ZNF721: variants seen among roughly 807,000 people sequenced by gnomAD.
ZNF721 encodes zinc finger protein 721.
In ZNF721, 2 loss-of-function variants were observed where a neutral mutation model predicts 2.4. The ratio of observed to expected loss-of-function variants is 0.82; its 90% CI spans 0.34 to 2.58. The LOEUF (loss-of-function observed/expected upper bound fraction) is 2.58, where lower values mean the gene tolerates loss of function less well. ZNF721 is among the 30% of genes most tolerant of loss of function. The pLI is 0.11. For synonymous variants in ZNF721, 398 were observed against 381.8 expected, an observed-to-expected ratio of 1.04 and a Z score of -0.50; for missense variants, 1,187 against 1,085.5, an observed-to-expected ratio of 1.09 and a Z score of -1.31.
At chr4:474,739 G>A (rs1435369369) in intron 1 of ZNF721, among the ~76,000 whole-genome samples, 1 of 151,918 alleles carries the variant, frequency 6.6e-6, no homozygotes, top group Non-Finnish European at 1.5e-5. Flanking sequence ...AGCCAGGCAT[G>A]GTGGTGGGCG....
Position 443,752 on chromosome 4 carries a change from G to C in ZNF721, c.715C>G (p.His239Asp). 2 of 1,613,996 alleles carry C rather than the reference G, an allele frequency of 1.2e-6. No individual in the cohort carries two copies. The highest frequency in any genetic ancestry group is 2.2e-5 in the South Asian group (2 of 91,066). Reference sequence around the variant, plus strand: ...TTCTCTCCAGTATGAATTTTCTCATGTTTATTCAGGTGTGAGGAATGCATA... The same window carrying C: ...TTCTCTCCAGTATGAATTTTCTCATCTTTATTCAGGTGTGAGGAATGCATA... The part of the protein sequence containing the change: ...AFMHSSHLNK[H>D]EKIHTGEKPY... Residue 239 changes from histidine to aspartate, a missense_variant, in exon 3 of 3, where the codon CAT (histidine) becomes GAT (aspartate). Physicochemically the swap from His to Asp is moderately conservative, Grantham distance 81. Coordinates refer to ENST00000511833, the MANE Select transcript of ZNF721 (RefSeq NM_133474.4).
chr4:469,107 T>C (rs1174484647), intron 2 of ZNF721, among the ~76,000 whole-genome samples: 2 of 152,188 alleles, frequency 1.3e-5, no homozygotes, highest in African/African-American at 2.4e-5. Context: ...GGTTGTTTTT[T>C]TGTGTGTTTT....
rs782742067 is a variant in ZNF721 at position 443,419 on chromosome 4, C to T, written c.1048G>A (p.Val350Ile). Residue 350 changes from valine (V) to isoleucine (I), a missense_variant, in exon 3 of 3, where the codon GTA becomes ATA. Coordinates refer to ENST00000511833, the MANE Select transcript of ZNF721 (RefSeq NM_133474.4). Reference protein sequence around the residue: ...KTFRQSANLYVHRRIHTGEKP... With the variant: ...KTFRQSANLYIHRRIHTGEKP... ...TCTCCAGTATGAATTCTCCTATGTA[C>T]GTAAAGGTTTGCGGACTGTCTAAAG... 125 of 1,612,382 alleles carry T rather than the reference C, an allele frequency of 7.8e-5. No individual in the cohort carries two copies. The East Asian group carries it at 9.4e-4, about 12-fold the overall frequency.
At chr4:450,937 CAAAAA>C (rs781962651) in intron 2 of ZNF721, among the ~76,000 whole-genome samples, 42 of 26,494 alleles carry the variant, frequency 1.6e-3, no homozygotes, top group African/African-American at 4.7e-3. Flanking sequence ...ACTCTGTCTC[CAAAAA>C]AAAAAAAAAA....
chr4:458,818 C>G (rs889514543), intron 2 of ZNF721, among the ~76,000 whole-genome samples: 4 of 151,968 alleles, frequency 2.6e-5, no homozygotes, highest in South Asian at 2.1e-4. Context: ...TGCACTCCAG[C>G]CTGGGTGACA....
intron 2 of ZNF721, among the ~76,000 whole-genome samples, chr4:455,914 C>T (rs1379060545): frequency 6.6e-6 from 1 of 152,018 alleles, no homozygotes; most frequent in Non-Finnish European, 1.5e-5. Flanking sequence ...AAAAAGGTTC[C>T]ATTTTTCAAA....
intron 2 of ZNF721, among the ~76,000 whole-genome samples, chr4:446,898 C>T (rs1714493922): frequency 6.6e-6 from 1 of 151,692 alleles, no homozygotes; most frequent in Non-Finnish European, 1.5e-5. Context: ...AACATGTTGA[C>T]CAGGATGGTC....
chr4:478,276 TTC>T (rs1297647118), intron 1 of ZNF721, among the ~76,000 whole-genome samples: 7 of 152,286 alleles, frequency 4.6e-5, no homozygotes, highest in Non-Finnish European at 7.4e-5. Context: ...CCATTCTACT[TTC>T]TGTTTTTATG....
chr4:470,789 A>C (rs1715408035), intron 2 of ZNF721, among the ~76,000 whole-genome samples: 1 of 152,164 alleles, frequency 6.6e-6, no homozygotes, highest in South Asian at 2.1e-4. Context: ...TTGGGAGGCC[A>C]AGAGATCGAG....
chr4:476,826 A>G (rs1553868730), intron 1 of ZNF721, among the ~76,000 whole-genome samples: 3 of 152,186 alleles, frequency 2.0e-5, no homozygotes, highest in African/African-American at 7.2e-5. Flanking sequence ...GCAGCTCACA[A>G]AGGAATTTGC....
intron 2 of ZNF721, among the ~76,000 whole-genome samples, chr4:447,526 CA>C (rs1195000606): frequency 6.6e-6 from 1 of 151,614 alleles, no homozygotes; most frequent in African/African-American, 2.4e-5. Context: ...GCAAAAAAAT[CA>C]ATAAAACGTG....
At chr4:456,089 G>T (rs112148965) in intron 2 of ZNF721, among the ~76,000 whole-genome samples, 8,337 of 98,432 alleles carry the variant, frequency 0.085, 336 homozygotes, top group African/African-American at 0.22. Context: ...TTTATTTATT[G>T]AGATGGAGTC....
rs192496244 is a variant in ZNF721 at position 454,415 on chromosome 4, T to C, written c.35-9983A>G. 1.9e-3 allele frequency among the ~76,000 whole-genome samples: 286 copies of C among 152,352 alleles called. 1 individual carries two copies. The highest frequency in any genetic ancestry group is 6.4e-3 in the African/African-American group (268 of 41,578). On this transcript the variant is annotated intron_variant, in intron 2 of 2. Transcript: ENST00000511833. Reference sequence around the variant, plus strand: ...GGACTTATGTTGTTGTCAGAGGAATTTGCTCAGCTGTGTACTGTTGTGTTG... The same window carrying C: ...GGACTTATGTTGTTGTCAGAGGAATCTGCTCAGCTGTGTACTGTTGTGTTG...
Position 460,353 on chromosome 4 carries a change from A to G in ZNF721, c.34+12222T>C, listed in dbSNP as rs182767727. ...GAATGACTACTGGGTAAATAACGAA[A>G]TTAAGGTAGAAATAAATAAGTTCTT... On this transcript the variant is annotated intron_variant, in intron 2 of 2. Transcript: ENST00000511833. 7.0e-3 allele frequency among the ~76,000 whole-genome samples: 1,067 copies of G among 152,320 alleles called. 15 individuals carry two copies. The highest frequency in any genetic ancestry group is 0.024 in the African/African-American group (1,007 of 41,570).
intron 2 of ZNF721, among the ~76,000 whole-genome samples, chr4:465,007 C>T (rs1175782602): frequency 6.6e-6 from 1 of 151,470 alleles, no homozygotes; most frequent in Non-Finnish European, 1.5e-5. Flanking sequence ...ATTGCTTGAA[C>T]CCAGGAGACG....
intron 2 of ZNF721, among the ~76,000 whole-genome samples, chr4:447,352 A>G (rs1300415289): frequency 6.6e-6 from 1 of 151,960 alleles, no homozygotes; most frequent in Non-Finnish European, 1.5e-5. Flanking sequence ...ATAAAACAAA[A>G]AATATATTAT....
intron 1 of ZNF721, among the ~76,000 whole-genome samples, chr4:494,206 G>A (rs1249875551): frequency 1.3e-5 from 2 of 149,704 alleles, no homozygotes; most frequent in Non-Finnish European, 3.0e-5. Context: ...TTTTGAGACG[G>A]AATCTCGCTC....
chr4:443,822 A>G lies in ZNF721; in HGVS notation c.645T>C (p.His215=), dbSNP rs372601849. The change falls in exon 3 of 3, where the codon CAT becomes CAC. Residue 215 remains histidine (H), a synonymous_variant. Transcript: ENST00000511833. ...TACATTTGTAGGGTTTATCTCCAGT[A>G]TGAATTTTCTTATATTCATTCAGGT... ...STNLNEYKKI[H]TGDKPYKCKE... is the part of the protein sequence containing the mutation. 4.3e-6 allele frequency: 7 copies of G among 1,613,982 alleles called. No homozygotes were observed. Among genetic ancestry groups the G allele is most frequent in the Non-Finnish European group, 5.1e-6 (6 of 1,179,930 alleles).
chr4:479,710 T>C (rs1553869077), intron 1 of ZNF721, among the ~76,000 whole-genome samples: 1 of 152,218 alleles, frequency 6.6e-6, no homozygotes. Flanking sequence ...GCAGTGCTCC[T>C]GCTGTCCCAC....
Sources: allele counts gnomAD v4.1 joint callset (sites outside exome capture counted in the v4.1 genomes callset), GRCh38; gene constraint gnomAD v4.1.1; transcripts MANE v1.5; gene names NCBI Gene and HGNC (gene_info 2026-07-23, HGNC 2026-07-21).